The following CDIN1 variants were observed in gnomAD, a reference collection of about 807,000 sequenced individuals.
CDIN1 encodes the protein CDAN1 interacting nuclease 1, also known as CDAN1-interacting nuclease 1.
CDIN1 carries 33 observed loss-of-function variants against 45.3 expected under a neutral mutation model. The observed-to-expected ratio is 0.73, with a 90% CI of 0.55 to 0.97. CDIN1 has a LOEUF of 0.97. CDIN1 is among the 50% of genes least tolerant of loss of function. The probability of loss-of-function intolerance (pLI) is 0.00; values close to 1 mark genes in which losing one functional copy is unlikely to be tolerated. For synonymous variants in CDIN1, 118 were observed against 124.4 expected, an observed-to-expected ratio of 0.95 and a Z score of 0.34; for missense variants, 303 against 339.4, an observed-to-expected ratio of 0.89 and a Z score of 0.84.
intron 1 of CDIN1, among the ~76,000 whole-genome samples, chr15:36,580,634 C>T (rs2036999503): frequency 6.6e-6 from 1 of 152,176 alleles, no homozygotes; most frequent in Non-Finnish European, 1.5e-5. Context: ...ATCCAACTTT[C>T]TAAGAAAGGA....
chr15:36,630,715 G>A (rs1226546675), intron 1 of CDIN1, among the ~76,000 whole-genome samples: 1 of 152,204 alleles, frequency 6.6e-6, no homozygotes, highest in Non-Finnish European at 1.5e-5. Flanking sequence ...TGTACAAGAA[G>A]CAGGGTGCTG....
chr15:36,749,772 G>A (rs951784579), intron 10 of CDIN1, among the ~76,000 whole-genome samples: 3 of 151,826 alleles, frequency 2.0e-5, no homozygotes, highest in Non-Finnish European at 2.9e-5. Context: ...CTTTTTTCAC[G>A]CTGATTTTCT....
intron 10 of CDIN1, among the ~76,000 whole-genome samples, chr15:36,726,091 G>A (rs2043614343): frequency 6.6e-6 from 1 of 152,136 alleles, no homozygotes; most frequent in African/African-American, 2.4e-5. Flanking sequence ...AGATACTTTT[G>A]TCCAAGGTAA....
At chr15:36,751,471 A>T (rs2053469735) in intron 10 of CDIN1, among the ~76,000 whole-genome samples, 1 of 151,514 alleles carries the variant, frequency 6.6e-6, no homozygotes, top group Non-Finnish European at 1.5e-5. Flanking sequence ...AGGTGTGTGG[A>T]TCACTTGAGG....
chr15:36,630,773 A>C (rs2039646877), intron 1 of CDIN1, among the ~76,000 whole-genome samples: 2 of 152,126 alleles, frequency 1.3e-5, no homozygotes, highest in South Asian at 4.1e-4. Context: ...TCATGGTGGA[A>C]GGCAAAGGGG....
intron 1 of CDIN1, among the ~76,000 whole-genome samples, chr15:36,631,524 A>T (rs2039678239): frequency 6.6e-6 from 1 of 152,208 alleles, no homozygotes; most frequent in African/African-American, 2.4e-5. Flanking sequence ...GGCCTTTGTG[A>T]CTGGATGTTT....
chr15:36,626,335 C>G (rs1425302101), intron 1 of CDIN1, among the ~76,000 whole-genome samples: 1 of 145,618 alleles, frequency 6.9e-6, no homozygotes, highest in Non-Finnish European at 1.5e-5. Context: ...TTCCAGCAAA[C>G]AAAGCCACAA....
chr15:36,586,194 T>TTTG (rs1224418124), intron 1 of CDIN1, among the ~76,000 whole-genome samples: 9 of 139,420 alleles, frequency 6.5e-5, no homozygotes, highest in African/African-American at 1.3e-4. Context: ...ACCTTTGAGT[T>TTTG]TTTTTTTTTT....
intron 1 of CDIN1, chr15:36,618,193 A>G: frequency 1.5e-6 from 1 of 682,600 alleles, no homozygotes. Flanking sequence ...TGGGTCGACC[A>G]TTCCAAAAAA....
At chr15:36,630,771 G>A (rs768677674) in intron 1 of CDIN1, among the ~76,000 whole-genome samples, 39 of 152,146 alleles carry the variant, frequency 2.6e-4, no homozygotes, top group Admixed American at 2.0e-3. Flanking sequence ...ATTCATGGTG[G>A]AAGGCAAAGG....
chr15:36,623,264 A>G (rs1006403337), intron 1 of CDIN1, among the ~76,000 whole-genome samples: 8 of 152,220 alleles, frequency 5.3e-5, no homozygotes, highest in Admixed American at 1.3e-4. Flanking sequence ...AAAAAAAAGG[A>G]TGAAGAAATC....
intron 1 of CDIN1, among the ~76,000 whole-genome samples, chr15:36,630,676 A>G (rs891794473): frequency 6.6e-6 from 1 of 152,204 alleles, no homozygotes; most frequent in African/African-American, 2.4e-5. Flanking sequence ...TAAAGAAAAA[A>G]GCTTTACTTG....
chr15:36,709,344 T>C, intron 9 of CDIN1, 56 bp downstream of exon 9: 1 of 1,342,932 alleles, frequency 7.4e-7, no homozygotes, highest in Non-Finnish European at 1.0e-6. Context: ...ATGTATTTTT[T>C]AATTTTTTTA....
chr15:36,652,640 T>C (rs573807194), intron 3 of CDIN1, among the ~76,000 whole-genome samples: 1 of 152,306 alleles, frequency 6.6e-6, no homozygotes, highest in African/African-American at 2.4e-5. Flanking sequence ...TATTTTCCAA[T>C]TGGTTTCCCA....
intron 1 of CDIN1, among the ~76,000 whole-genome samples, chr15:36,633,670 T>A (rs933481370): frequency 6.6e-6 from 1 of 152,168 alleles, no homozygotes; most frequent in Non-Finnish European, 1.5e-5. Context: ...TCTGTTGTGA[T>A]TTTGGTAGCA....
At chr15:36,786,522 C>G (rs2054495490) in intron 10 of CDIN1, among the ~76,000 whole-genome samples, 1 of 152,136 alleles carries the variant, frequency 6.6e-6, no homozygotes, top group Non-Finnish European at 1.5e-5. Flanking sequence ...CTGTGTCCTT[C>G]TGATTGAGTC....
At chr15:36,675,549 C>T (rs980731172) in intron 5 of CDIN1, among the ~76,000 whole-genome samples, 3 of 152,150 alleles carry the variant, frequency 2.0e-5, no homozygotes, top group African/African-American at 7.2e-5. Context: ...CTCTATCTCT[C>T]ACTTTGGCAC....
At chr15:36,665,141 T>C (rs1475182793) in intron 5 of CDIN1, among the ~76,000 whole-genome samples, 1 of 152,228 alleles carries the variant, frequency 6.6e-6, no homozygotes, top group Non-Finnish European at 1.5e-5. Flanking sequence ...TTTTCTTGTA[T>C]CTGTTTGTAG....
At chr15:36,713,426 C>T (rs1342382630) in intron 10 of CDIN1, among the ~76,000 whole-genome samples, 1 of 152,132 alleles carries the variant, frequency 6.6e-6, no homozygotes, top group East Asian at 1.9e-4. Context: ...ATCTAAGCTT[C>T]TTGGCTGGAA....
Sources: allele counts gnomAD v4.1 joint callset (sites outside exome capture counted in the v4.1 genomes callset), GRCh38; gene constraint gnomAD v4.1.1; transcripts MANE v1.5; gene names NCBI Gene and HGNC (gene_info 2026-07-23, HGNC 2026-07-21).